Variants in PLEKHA7 observed in about 807,000 individuals in gnomAD.
The protein encoded by PLEKHA7 is pleckstrin homology domain-containing family A member 7.
In PLEKHA7, 104 loss-of-function variants were observed where a neutral mutation model predicts 170.0. The observed-to-expected ratio is 0.61, with a 90% confidence interval of 0.52 to 0.72. The LOEUF is 0.72. Ranked by LOEUF, PLEKHA7 falls within the 30% of genes least tolerant of loss-of-function variation. PLEKHA7 has a pLI of 0.00. For synonymous variants in PLEKHA7, 648 were observed against 660.8 expected (o/e 0.98, Z 0.30); for missense variants, 1,615 against 1,671.7 (o/e 0.97, Z 0.59).
intron 3 of PLEKHA7, among the ~76,000 whole-genome samples, chr11:16,971,317 T>C (rs892123255): frequency 6.6e-6 from 1 of 152,222 alleles, no homozygotes; most frequent in African/African-American, 2.4e-5. Context: ...TCTACTAATG[T>C]ACAGGGAACA....
At chr11:16,975,010 C>T in intron 3 of PLEKHA7, 2 of 738,100 alleles carry the variant, frequency 2.7e-6, no homozygotes, top group Non-Finnish European at 3.3e-6. Flanking sequence ...GGGACGTTAA[C>T]CATGCTTGCG....
chr11:16,799,567 CA>C (rs892615617), intron 17 of PLEKHA7, among the ~76,000 whole-genome samples: 1 of 150,184 alleles, frequency 6.7e-6, no homozygotes, highest in African/African-American at 2.4e-5. Flanking sequence ...AAAAATAAAG[CA>C]AAAAAAAATT....
At position 16,808,159 on chromosome 11, in the gene PLEKHA7, A is replaced by G. The variant is rs1287143873; in HGVS notation, c.2008-4864T>C. 2.6e-5 allele frequency among the ~76,000 whole-genome samples: 4 copies of G among 152,342 alleles called. No homozygotes were observed. The South Asian group carries it at 8.3e-4, about 32-fold the overall frequency. On this transcript the variant is annotated intron_variant, in intron 13 of 26. Transcript: ENST00000531066. ...CGCTACTTCAAAACCATGTTTCTCA[A>G]TGCTGGATGTGCATTAAAAACACCT...
intron 3 of PLEKHA7, among the ~76,000 whole-genome samples, chr11:16,946,064 T>C (rs978501875): frequency 6.6e-6 from 1 of 152,176 alleles, no homozygotes; most frequent in African/African-American, 2.4e-5. Flanking sequence ...CCTCACTTAG[T>C]GGGAAGCCAC....
At chr11:16,957,002 CT>C (rs1861739270) in intron 3 of PLEKHA7, among the ~76,000 whole-genome samples, 1 of 152,196 alleles carries the variant, frequency 6.6e-6, no homozygotes, top group African/African-American at 2.4e-5. Context: ...CCCCCCGTGG[CT>C]TTAGGCGCAG....
intron 3 of PLEKHA7, among the ~76,000 whole-genome samples, chr11:16,991,120 G>A (rs750893627): frequency 1.7e-4 from 26 of 152,194 alleles, no homozygotes; most frequent in African/African-American, 5.5e-4. Flanking sequence ...GCCCTCAGCC[G>A]GAGTACCCAA....
intron 6 of PLEKHA7, among the ~76,000 whole-genome samples, chr11:16,853,578 G>A (rs568867851): frequency 6.6e-6 from 1 of 152,314 alleles, no homozygotes; most frequent in African/African-American, 2.4e-5. Flanking sequence ...CACAGCCAAT[G>A]GGCCTGGCCT....
At chr11:16,781,855 G>A (rs560774061) in intron 26 of PLEKHA7, among the ~76,000 whole-genome samples, 18 of 152,112 alleles carry the variant, frequency 1.2e-4, no homozygotes, top group Admixed American at 4.6e-4. Flanking sequence ...ATTGGTAGGG[G>A]CCATGACACC....
intron 3 of PLEKHA7, among the ~76,000 whole-genome samples, chr11:17,002,359 G>T (rs146549359): frequency 0.013 from 2,014 of 151,908 alleles, 18 homozygotes; most frequent in Non-Finnish European, 0.018. Context: ...AGCTGAGATG[G>T]TACCACTGCA....
chr11:16,962,607 C>A (rs1454290361), intron 3 of PLEKHA7, among the ~76,000 whole-genome samples: 2 of 152,170 alleles, frequency 1.3e-5, no homozygotes. Context: ...ACTACAGGTG[C>A]ATACCACCAT....
intron 8 of PLEKHA7, among the ~76,000 whole-genome samples, chr11:16,847,188 C>T (rs1294697148): frequency 1.3e-5 from 2 of 150,726 alleles, no homozygotes; most frequent in East Asian, 3.9e-4. Context: ...GCTCCGTCTC[C>T]CCGGTTCATG....
chr11:16,833,981 T>TTATATATATATATATATATATATA (rs10525520), intron 9 of PLEKHA7, among the ~76,000 whole-genome samples: 3 of 151,288 alleles, frequency 2.0e-5, no homozygotes, highest in African/African-American at 4.9e-5. Flanking sequence ...CTCAGGAGTT[T>TTATATATATATATATATATATATA]TATATATAGA....
At chr11:16,871,740 G>A (rs1854868698) in intron 3 of PLEKHA7, among the ~76,000 whole-genome samples, 1 of 152,128 alleles carries the variant, frequency 6.6e-6, no homozygotes, top group Admixed American at 6.5e-5. Context: ...GCACGGTGGA[G>A]TTTCTATCAC....
intron 3 of PLEKHA7, among the ~76,000 whole-genome samples, chr11:16,936,524 G>C (rs1037131366): frequency 4.0e-5 from 6 of 151,768 alleles, no homozygotes; most frequent in Non-Finnish European, 7.4e-5. Flanking sequence ...GTACTTCCTG[G>C]CATGTTGTCA....
chr11:16,790,994 C>G lies in PLEKHA7; in HGVS notation c.2934+17G>C. The G allele has an allele frequency of 1.2e-6, 2 of 1,614,012 alleles. No individual in the cohort carries two copies. The highest frequency in any genetic ancestry group is 1.7e-6 in the Non-Finnish European group (2 of 1,180,006). On this transcript the variant is annotated intron_variant, in intron 20 of 26. Transcript: ENST00000531066. Reference sequence around the variant, plus strand: ...CTCCCCACATGTAGAGTGGCAGCCCCAGGGTCCCCCGCTCACCCTGGAATC... The same window carrying G: ...CTCCCCACATGTAGAGTGGCAGCCCGAGGGTCCCCCGCTCACCCTGGAATC...
intron 3 of PLEKHA7, among the ~76,000 whole-genome samples, chr11:16,945,434 T>A (rs369106280): frequency 3.5e-4 from 54 of 152,200 alleles, no homozygotes; most frequent in Non-Finnish European, 1.5e-4. Context: ...TCACAACCCC[T>A]GTAATTGACT....
intron 3 of PLEKHA7, among the ~76,000 whole-genome samples, chr11:16,878,535 G>A (rs928195338): frequency 6.6e-6 from 1 of 152,056 alleles, no homozygotes; most frequent in African/African-American, 2.4e-5. Context: ...TTTGTTCCTT[G>A]AACACCAAGC....
At chr11:16,954,565 G>A (rs1467632588) in intron 3 of PLEKHA7, among the ~76,000 whole-genome samples, 1 of 151,616 alleles carries the variant, frequency 6.6e-6, no homozygotes. Context: ...TAATAAGATA[G>A]GATGCTGGAT....
At chr11:16,788,811 C>T (rs889280635) in intron 23 of PLEKHA7, 15 of 520,628 alleles carry the variant, frequency 2.9e-5, no homozygotes, top group East Asian at 9.9e-5. Flanking sequence ...AGATTCCGAA[C>T]GCCTGCAAAG....
Sources: allele counts gnomAD v4.1 joint callset (sites outside exome capture counted in the v4.1 genomes callset), GRCh38; gene constraint gnomAD v4.1.1; transcripts MANE v1.5; gene names NCBI Gene and HGNC (gene_info 2026-07-23, HGNC 2026-07-21).